SPMIP2: variants seen among roughly 807,000 people sequenced by gnomAD.
The protein encoded by SPMIP2 is protein SPMIP2.
chr4:159,078,910 G>A, the SPMIP2 span, among the ~76,000 whole-genome samples: 1 of 152,102 alleles, frequency 6.6e-6, no homozygotes, highest in African/African-American at 2.4e-5. Context: ...TTGAGGTCAG[G>A]AGTTTGAGAC....
At chr4:158,986,205 C>T in the SPMIP2 span, among the ~76,000 whole-genome samples, 36 of 151,782 alleles carry the variant, frequency 2.4e-4, no homozygotes, top group African/African-American at 8.5e-4. Context: ...AATGGCCATA[C>T]TGCCCAAGGT....
the SPMIP2 span, among the ~76,000 whole-genome samples, chr4:159,058,027 GC>G: frequency 6.6e-6 from 1 of 152,024 alleles, no homozygotes; most frequent in Non-Finnish European, 1.5e-5. Flanking sequence ...ACCATGCCTG[GC>G]TAATTTTTGT....
the SPMIP2 span, chr4:158,915,493 G>A: frequency 1.1e-5 from 8 of 756,282 alleles, no homozygotes; most frequent in African/African-American, 3.5e-5. Context: ...GAAAGCTGAA[G>A]ACCTGACCCA....
chr4:159,052,761 G>A, the SPMIP2 span, among the ~76,000 whole-genome samples: 1,453 of 150,872 alleles, frequency 9.6e-3, 29 homozygotes, highest in African/African-American at 0.034. Context: ...AGCCTCCTGA[G>A]TAGCTGGAAT....
the SPMIP2 span, among the ~76,000 whole-genome samples, chr4:158,927,567 C>G: frequency 6.6e-6 from 1 of 152,224 alleles, no homozygotes; most frequent in African/African-American, 2.4e-5. Flanking sequence ...CCCTCGCTCT[C>G]GGCGCCTCCT....
chr4:158,925,444 G>A, the SPMIP2 span, among the ~76,000 whole-genome samples: 1 of 152,092 alleles, frequency 6.6e-6, no homozygotes, highest in Non-Finnish European at 1.5e-5. Flanking sequence ...CGGTATCTTA[G>A]TTCAGCAGTC....
At chr4:159,074,493 T>C in the SPMIP2 span, among the ~76,000 whole-genome samples, 1 of 152,150 alleles carries the variant, frequency 6.6e-6, no homozygotes, top group Non-Finnish European at 1.5e-5. Context: ...CAGTTATTCA[T>C]TCAAGAAGAG....
the SPMIP2 span, among the ~76,000 whole-genome samples, chr4:158,967,881 G>C: frequency 6.6e-6 from 1 of 152,194 alleles, no homozygotes; most frequent in Admixed American, 6.5e-5. Flanking sequence ...GTTTGGCTTG[G>C]TGAGAACTCA....
At chr4:158,926,264 T>C in the SPMIP2 span, among the ~76,000 whole-genome samples, 2 of 152,164 alleles carry the variant, frequency 1.3e-5, no homozygotes, top group African/African-American at 4.8e-5. Flanking sequence ...CAGTTTTTTT[T>C]TTAAGGTGTA....
chr4:159,047,716 G>T, the SPMIP2 span, among the ~76,000 whole-genome samples: 1 of 152,320 alleles, frequency 6.6e-6, no homozygotes, highest in East Asian at 1.9e-4. Flanking sequence ...AAAGTAACTA[G>T]GCTGGAGCCA....
chr4:158,930,709 C>G, the SPMIP2 span, among the ~76,000 whole-genome samples: 3 of 152,084 alleles, frequency 2.0e-5, no homozygotes, highest in Admixed American at 6.5e-5. Context: ...ATTGCCCAGG[C>G]TGTTCTCAAA....
the SPMIP2 span, among the ~76,000 whole-genome samples, chr4:159,013,468 G>C: frequency 2.0e-5 from 3 of 152,138 alleles, no homozygotes; most frequent in Non-Finnish European, 4.4e-5. Context: ...TTGCTGTTAG[G>C]GTTGGTGACT....
the SPMIP2 span, chr4:159,034,976 G>T: frequency 1.6e-6 from 2 of 1,264,256 alleles, no homozygotes; most frequent in African/African-American, 1.5e-5. Context: ...AATCATATAT[G>T]TGAGAGAAAA....
the SPMIP2 span, among the ~76,000 whole-genome samples, chr4:158,894,110 G>A: frequency 6.6e-5 from 10 of 151,450 alleles, no homozygotes; most frequent in African/African-American, 2.4e-4. Flanking sequence ...CCAGAAAGAG[G>A]AGTTTAAAAA....
chr4:159,073,299 G>A, the SPMIP2 span, among the ~76,000 whole-genome samples: 8 of 152,024 alleles, frequency 5.3e-5, no homozygotes, highest in South Asian at 2.1e-4. Flanking sequence ...GGCCACAGGC[G>A]CACGCCACCA....
chr4:159,055,534 C>T, the SPMIP2 span, among the ~76,000 whole-genome samples: 6 of 152,064 alleles, frequency 3.9e-5, no homozygotes, highest in African/African-American at 7.2e-5. Context: ...CGGGCAAAAC[C>T]GCATCTCTCC....
the SPMIP2 span, among the ~76,000 whole-genome samples, chr4:158,982,481 ACTC>A: frequency 6.6e-6 from 1 of 152,164 alleles, no homozygotes; most frequent in African/African-American, 2.4e-5. Context: ...GAAGTAAAAC[ACTC>A]CTCAGCAAAT....
chr4:159,015,294 C>T, the SPMIP2 span, among the ~76,000 whole-genome samples: 1 of 152,056 alleles, frequency 6.6e-6, no homozygotes, highest in Non-Finnish European at 1.5e-5. Context: ...AATTCCTTTA[C>T]TGAAGGAAAG....
At chr4:158,940,559 C>CTT in the SPMIP2 span, among the ~76,000 whole-genome samples, 8,762 of 135,060 alleles carry the variant, frequency 0.065, 871 homozygotes, top group African/African-American at 0.21. Context: ...GTTGTTCCTT[C>CTT]TTTTTTTTTT....
Sources: gnomAD v4.1 joint callset for allele counts (sites outside exome capture counted in the v4.1 genomes callset) on GRCh38, gnomAD v4.1.1 for gene constraint, MANE v1.5 for transcripts, NCBI Gene and HGNC (gene_info 2026-07-23, HGNC 2026-07-21) for gene names.